CAPZB: variants seen among roughly 807,000 people sequenced by gnomAD.
The protein encoded by CAPZB is capping actin protein of muscle Z-line subunit beta, also known as F-actin-capping protein subunit beta.
Under a neutral mutation model 38.1 loss-of-function variants are expected in CAPZB, and 2 were observed. That is an observed-to-expected ratio of 0.05 (90% CI 0.02 to 0.17). The LOEUF is 0.17. Ranked by LOEUF, CAPZB falls within the 10% of genes least tolerant of loss-of-function variation. The pLI is 1.00. For missense variants in CAPZB, 161 were observed against 334.2 expected, an observed-to-expected ratio of 0.48 and a Z score of 4.04; for synonymous variants, 107 against 127.4, an observed-to-expected ratio of 0.84 and a Z score of 1.08.
chr1:19,374,318 C>G (rs1051025704), intron 4 of CAPZB: 34 of 152,396 alleles, frequency 2.2e-4, no homozygotes, highest in African/African-American at 7.0e-4. Context: ...AGTGTCCCCA[C>G]GGGAGGATTC....
At chr1:19,484,657 T>C in intron 1 of CAPZB, 1 of 1,159,336 alleles carries the variant, frequency 8.6e-7, no homozygotes, top group South Asian at 1.8e-5. Context: ...GCGCCCCAGG[T>C]ACAGGGAAGG....
At chr1:19,472,709 A>ATTTTTTTTTTTTTT (rs11334966) in intron 1 of CAPZB, among the ~76,000 whole-genome samples, 8 of 61,166 alleles carry the variant, frequency 1.3e-4, no homozygotes, top group African/African-American at 5.6e-4. Context: ...TTCATTCTTC[A>ATTTTTTTTTTTTTT]TTTTTTTTTT....
At chr1:19,445,655 T>C (rs1419725904) in intron 1 of CAPZB, among the ~76,000 whole-genome samples, 1 of 152,146 alleles carries the variant, frequency 6.6e-6, no homozygotes, top group Non-Finnish European at 1.5e-5. Context: ...ATTCCATACA[T>C]ATGAAATGGC....
intron 2 of CAPZB, among the ~76,000 whole-genome samples, chr1:19,386,217 G>A (rs2094203298): frequency 6.6e-6 from 1 of 152,194 alleles, no homozygotes; most frequent in Non-Finnish European, 1.5e-5. Context: ...TGGCCTGCCA[G>A]GGGGCCGCCT....
intron 1 of CAPZB, 103 bp from the exon 2 acceptor site, chr1:19,419,853 G>A: frequency 9.8e-6 from 7 of 710,796 alleles, no homozygotes; most frequent in Non-Finnish European, 1.7e-5. Flanking sequence ...AAAACCCAAA[G>A]AGCCACGCAG....
chr1:19,364,037 C>G (rs571025392), intron 4 of CAPZB, among the ~76,000 whole-genome samples: 1 of 152,316 alleles, frequency 6.6e-6, no homozygotes, highest in South Asian at 2.1e-4. Context: ...GGACTTGGAC[C>G]TCTGGCCTGA....
intron 1 of CAPZB, among the ~76,000 whole-genome samples, chr1:19,427,960 ACT>A (rs2100560098): frequency 6.6e-6 from 1 of 152,240 alleles, no homozygotes; most frequent in South Asian, 2.1e-4. Context: ...TTCTAGTCCT[ACT>A]CTGACCATAG....
Position 19,403,064 on chromosome 1 carries a change from A to AC in CAPZB, c.93+16596_93+16597insG, listed in dbSNP as rs888498084. ...AACTCCATCTCTAAAACAAAACAAA[A>AC]AAAAAGAAGCCTTGCATTCTATCCA... On this transcript the variant is annotated intron_variant, in intron 2 of 8. Coordinates refer to ENST00000264202, the MANE Select transcript of CAPZB (RefSeq NM_004930.5). Among the ~76,000 whole-genome samples the AC allele has an allele frequency of 3.1e-4, 47 of 151,844 alleles. 2 individuals carry two copies. The highest frequency in any genetic ancestry group is 7.2e-4 in the African/African-American group (30 of 41,432).
At chr1:19,409,759 A>C (rs1162040193) in intron 2 of CAPZB, among the ~76,000 whole-genome samples, 5 of 152,248 alleles carry the variant, frequency 3.3e-5, no homozygotes, top group East Asian at 1.9e-4. Context: ...AATGCTTTTC[A>C]GAGTGTGTTC....
At chr1:19,470,989 C>T (rs951793500) in intron 1 of CAPZB, among the ~76,000 whole-genome samples, 4 of 152,256 alleles carry the variant, frequency 2.6e-5, no homozygotes, top group Non-Finnish European at 4.4e-5. Context: ...CCTTTATCCT[C>T]GGGGGATACC....
At chr1:19,420,309 C>G (rs1257627701) in intron 1 of CAPZB, among the ~76,000 whole-genome samples, 1 of 152,224 alleles carries the variant, frequency 6.6e-6, no homozygotes, top group African/African-American at 2.4e-5. Flanking sequence ...CAGTCAAGAG[C>G]TCACTCCACC....
At chr1:19,370,053 C>T (rs562681990) in intron 4 of CAPZB, among the ~76,000 whole-genome samples, 1 of 152,294 alleles carries the variant, frequency 6.6e-6, no homozygotes, top group South Asian at 2.1e-4. Flanking sequence ...CAGAGCTGTC[C>T]TACCCTTGGA....
At chr1:19,415,616 C>T (rs1241350089) in intron 2 of CAPZB, among the ~76,000 whole-genome samples, 1 of 152,274 alleles carries the variant, frequency 6.6e-6, no homozygotes, top group Non-Finnish European at 1.5e-5. Context: ...AGTACAAAGC[C>T]AGCGCACTGC....
At chr1:19,484,944 G>T (rs1033604307) in intron 1 of CAPZB, among the ~76,000 whole-genome samples, 2 of 152,170 alleles carry the variant, frequency 1.3e-5, no homozygotes, top group African/African-American at 4.8e-5. Flanking sequence ...CCGGGGTCCA[G>T]CCTGAGGCCA....
At chr1:19,472,273 A>C (rs2094591338) in intron 1 of CAPZB, among the ~76,000 whole-genome samples, 1 of 152,224 alleles carries the variant, frequency 6.6e-6, no homozygotes, top group African/African-American at 2.4e-5. Context: ...ACTCATCTCG[A>C]AGGCAGATGT....
intron 2 of CAPZB, among the ~76,000 whole-genome samples, chr1:19,396,500 G>A (rs1439342825): frequency 6.6e-6 from 1 of 152,192 alleles, no homozygotes; most frequent in Non-Finnish European, 1.5e-5. Flanking sequence ...CTGCTGTGGA[G>A]CTGCCGCTGC....
intron 2 of CAPZB, among the ~76,000 whole-genome samples, chr1:19,414,026 T>C (rs903215930): frequency 4.6e-5 from 7 of 152,196 alleles, no homozygotes; most frequent in African/African-American, 1.7e-4. Flanking sequence ...GTATCATCCT[T>C]AACGTCACCA....
intron 2 of CAPZB, among the ~76,000 whole-genome samples, chr1:19,386,847 T>C (rs2094206884): frequency 6.6e-6 from 1 of 152,198 alleles, no homozygotes; most frequent in Admixed American, 6.5e-5. Context: ...CAGGGGACAG[T>C]ACCCAAAGAG....
intron 1 of CAPZB, among the ~76,000 whole-genome samples, chr1:19,440,254 T>C (rs1408471360): frequency 6.6e-6 from 1 of 152,158 alleles, no homozygotes; most frequent in Non-Finnish European, 1.5e-5. Flanking sequence ...CCCGGGCTGG[T>C]CTTAAACTCC....
Sources: gnomAD v4.1 joint callset for allele counts (sites outside exome capture counted in the v4.1 genomes callset) on GRCh38, gnomAD v4.1.1 for gene constraint, MANE v1.5 for transcripts, NCBI Gene and HGNC (gene_info 2026-07-23, HGNC 2026-07-21) for gene names.